AGTPBP1: variants seen among roughly 807,000 people sequenced by gnomAD.
AGTPBP1 encodes ATP/GTP binding carboxypeptidase 1, also known as cytosolic carboxypeptidase 1.
AGTPBP1 carries 70 observed loss-of-function variants against 143.9 expected under a neutral mutation model. The observed-to-expected ratio is 0.49, with a 90% CI of 0.40 to 0.59. AGTPBP1 has a LOEUF of 0.59. Among genes scored for constraint, AGTPBP1 ranks in the 20% least tolerant of loss-of-function variants. The pLI is 0.00. For synonymous variants in AGTPBP1, 463 were observed against 500.2 expected, an observed-to-expected ratio of 0.93 and a Z score of 0.99; for missense variants, 1,229 against 1,464.5, an observed-to-expected ratio of 0.84 and a Z score of 2.62.
chr9:85,751,477 C>T, the AGTPBP1 span, among the ~76,000 whole-genome samples: 1 of 152,150 alleles, frequency 6.6e-6, no homozygotes, highest in South Asian at 2.1e-4. Context: ...CAATTGCGTA[C>T]TTATCCATCA....
intron 3 of AGTPBP1, among the ~76,000 whole-genome samples, chr9:85,689,925 A>AT (rs1554726690): frequency 1.2e-3 from 90 of 72,370 alleles, no homozygotes; most frequent in Non-Finnish European, 1.7e-3. Context: ...AAAAAAAAAA[A>AT]ATATATATAT....
chr9:85,551,609 G>A (rs1350468510), intron 25 of AGTPBP1, among the ~76,000 whole-genome samples: 5 of 152,164 alleles, frequency 3.3e-5, no homozygotes, highest in Admixed American at 3.3e-4. Context: ...GAAAAGCCTT[G>A]AGGTTGACGA....
chr9:85,563,057 G>GCCT (rs980655216), intron 25 of AGTPBP1, among the ~76,000 whole-genome samples: 2 of 152,200 alleles, frequency 1.3e-5, no homozygotes, highest in African/African-American at 4.8e-5. Flanking sequence ...ATCTGCTGAT[G>GCCT]CCTTGATCTT....
chr9:85,759,727 C>A, the AGTPBP1 span, among the ~76,000 whole-genome samples: 1 of 152,048 alleles, frequency 6.6e-6, no homozygotes, highest in Non-Finnish European at 1.5e-5. Flanking sequence ...GAAGCAAGAG[C>A]AAACACATTC....
rs140245437 is a variant in AGTPBP1 at position 85,725,023 on chromosome 9, G to A, written c.-33-12457C>T. Reference sequence around the variant, plus strand: ...TGCCTTCCTATACCACAGGAACTTGGAAGTTTAAAAACCAAAAAGCATTTC... The same window carrying A: ...TGCCTTCCTATACCACAGGAACTTGAAAGTTTAAAAACCAAAAAGCATTTC... On this transcript the variant is annotated intron_variant, in intron 1 of 25. Coordinates refer to ENST00000357081, the MANE Select transcript of AGTPBP1 (RefSeq NM_001330701.2). Among the ~76,000 whole-genome samples the A allele has an allele frequency of 9.2e-5, 14 of 152,226 alleles. No homozygotes were observed. In the East Asian group the frequency reaches 1.9e-3, roughly 21 times the overall value.
the AGTPBP1 span, among the ~76,000 whole-genome samples, chr9:85,788,699 G>A: frequency 6.7e-6 from 1 of 148,796 alleles, no homozygotes; most frequent in Non-Finnish European, 1.5e-5. Flanking sequence ...TAGATATAGG[G>A]TATACATTAT....
chr9:85,604,882 A>G (rs975007762), intron 17 of AGTPBP1, among the ~76,000 whole-genome samples: 3 of 152,200 alleles, frequency 2.0e-5, no homozygotes, highest in Admixed American at 6.5e-5. Context: ...GAATTGATCA[A>G]GTAGAAGAAA....
At chr9:85,725,691 CTTG>C (rs79181777) in intron 1 of AGTPBP1, among the ~76,000 whole-genome samples, 57 of 152,256 alleles carry the variant, frequency 3.7e-4, no homozygotes, top group Non-Finnish European at 7.2e-4. Context: ...GGGAGAACTG[CTTG>C]AGCCCAAGAG....
chr9:85,773,296 A>G, the AGTPBP1 span, among the ~76,000 whole-genome samples: 2 of 128,658 alleles, frequency 1.6e-5, no homozygotes, highest in Non-Finnish European at 3.3e-5. Flanking sequence ...AGAAAGTGTC[A>G]TCAATTCAGA....
intron 8 of AGTPBP1, 71 bp from the exon 9 acceptor site, chr9:85,661,044 C>T: frequency 8.1e-7 from 1 of 1,235,338 alleles, no homozygotes; most frequent in Non-Finnish European, 1.1e-6. Flanking sequence ...TAAATTCATA[C>T]AATCTTTTTC....
the AGTPBP1 span, among the ~76,000 whole-genome samples, chr9:85,776,475 C>G: frequency 6.6e-6 from 1 of 152,290 alleles, no homozygotes; most frequent in East Asian, 1.9e-4. Context: ...ATTTGTAGTC[C>G]TGACTGGAAT....
At chr9:85,680,850 T>C (rs1835123118) in intron 4 of AGTPBP1, among the ~76,000 whole-genome samples, 1 of 152,208 alleles carries the variant, frequency 6.6e-6, no homozygotes, top group Non-Finnish European at 1.5e-5. Context: ...AGTTAACCAA[T>C]ATGTGTAGTA....
At chr9:85,554,802 C>A (rs1469475602) in intron 25 of AGTPBP1, among the ~76,000 whole-genome samples, 1 of 152,090 alleles carries the variant, frequency 6.6e-6, no homozygotes, top group Non-Finnish European at 1.5e-5. Flanking sequence ...CAGGCATGAA[C>A]TTTAAGTAAT....
At chr9:85,552,729 A>G (rs1826106934) in intron 25 of AGTPBP1, among the ~76,000 whole-genome samples, 1 of 152,234 alleles carries the variant, frequency 6.6e-6, no homozygotes, top group Non-Finnish European at 1.5e-5. Context: ...AACCCAGGCA[A>G]TGGCCTGTCT....
intron 11 of AGTPBP1, 65 bp from the exon 12 acceptor site, chr9:85,646,483 G>T: frequency 2.8e-6 from 3 of 1,074,710 alleles, no homozygotes; most frequent in Non-Finnish European, 2.8e-6. Flanking sequence ...ATAGCCAATG[G>T]TAGAATGTGA....
At chr9:85,636,978 CACCCAG>C (rs1832101086) in intron 13 of AGTPBP1, among the ~76,000 whole-genome samples, 1 of 151,508 alleles carries the variant, frequency 6.6e-6, no homozygotes, top group Non-Finnish European at 1.5e-5. Flanking sequence ...CCATACATAC[CACCCAG>C]CAAGTTCACT....
rs368280704 is a variant in AGTPBP1 at position 85,589,583 on chromosome 9, C to T, written c.2667G>A (p.Leu889=). ...ACTCTGGCATTGCTGTTATAGTCAC[C>T]AAGGGGCAGCTGTTTCCAGACAGGG... ...CETLSGNSCP[L]VTITAMPESN... is the part of the protein sequence containing the mutation. The change falls in exon 20 of 26, where the codon TTG becomes TTA. Residue 889 remains leucine, a synonymous_variant. Coordinates refer to ENST00000357081, the MANE Select transcript of AGTPBP1 (RefSeq NM_001330701.2). 8.7e-6 allele frequency: 14 copies of T among 1,613,452 alleles called. No individual in the cohort carries two copies. In the South Asian group the frequency reaches 1.2e-4, roughly 14 times the overall value.
chr9:85,643,345 C>T (rs1250536293), intron 12 of AGTPBP1, among the ~76,000 whole-genome samples: 1 of 152,082 alleles, frequency 6.6e-6, no homozygotes, highest in East Asian at 1.9e-4. Context: ...ATTTATTCTG[C>T]ATAAGAACAC....
chr9:85,553,559 C>T (rs921616072), intron 25 of AGTPBP1, among the ~76,000 whole-genome samples: 6 of 152,116 alleles, frequency 3.9e-5, no homozygotes, highest in East Asian at 1.9e-4. Flanking sequence ...ATGGGTTTAT[C>T]GGGACATAAT....
Sources: allele counts gnomAD v4.1 joint callset (sites outside exome capture counted in the v4.1 genomes callset), GRCh38; gene constraint gnomAD v4.1.1; transcripts MANE v1.5; gene names NCBI Gene and HGNC (gene_info 2026-07-23, HGNC 2026-07-21).